The following PDGFRL variants were observed in gnomAD, a reference collection of about 807,000 sequenced individuals.
The protein encoded by PDGFRL is platelet derived growth factor receptor like.
Under a neutral mutation model 37.2 loss-of-function variants are expected in PDGFRL, and 46 were observed. The observed-to-expected ratio is 1.24, with a 90% CI of 0.98 to 1.58. PDGFRL has a LOEUF of 1.58. Among genes scored for constraint, PDGFRL ranks in the 40% most tolerant of loss-of-function variants. The probability of loss-of-function intolerance (pLI) is 0.00; values close to 1 mark genes in which losing one functional copy is unlikely to be tolerated. For missense variants in PDGFRL, 692 were observed against 467.6 expected (o/e 1.48, Z -4.43); for synonymous variants, 251 against 184.3 (o/e 1.36, Z -2.93).
chr8:17,639,224 G>T (rs1252466745), intron 5 of PDGFRL, among the ~76,000 whole-genome samples: 1 of 152,202 alleles, frequency 6.6e-6, no homozygotes, highest in East Asian at 1.9e-4. Flanking sequence ...CTGCCATTCT[G>T]AATCTTTTAA....
Position 17,636,714 on chromosome 8 carries a change from C to T in PDGFRL, c.939+2501C>T, listed in dbSNP as rs150015160. On this transcript the variant is annotated intron_variant, in intron 5 of 5. Transcript: ENST00000251630. ...TGTGGATTGCTTTTCGCAGTATGGTCATTTTCACAATATTGATTCTACCCA... is the reference window on the plus strand; with the variant it reads ...TGTGGATTGCTTTTCGCAGTATGGTTATTTTCACAATATTGATTCTACCCA... Among the ~76,000 whole-genome samples the T allele has an allele frequency of 6.7e-3, 1,012 of 152,178 alleles. 11 individuals carry two copies. The highest frequency in any genetic ancestry group is 0.023 in the African/African-American group (939 of 41,516).
chr8:17,600,968 C>G (rs1343184446), intron 2 of PDGFRL, among the ~76,000 whole-genome samples: 1 of 152,028 alleles, frequency 6.6e-6, no homozygotes. Flanking sequence ...GGAGACAGAG[C>G]AAGGCCCATC....
At chr8:17,589,418 T>A in intron 1 of PDGFRL, 50 bp from the exon 2 acceptor site, 1 of 1,396,124 alleles carries the variant, frequency 7.2e-7, no homozygotes, top group Non-Finnish European at 9.8e-7. Flanking sequence ...CCTCAAATAT[T>A]CCAAAAATGT....
At chr8:17,595,005 A>T (rs1352674381) in intron 2 of PDGFRL, among the ~76,000 whole-genome samples, 2 of 150,792 alleles carry the variant, frequency 1.3e-5, no homozygotes, top group Admixed American at 6.6e-5. Flanking sequence ...TACCACGTAC[A>T]TTTTTTTTTT....
At chr8:17,588,394 T>A (rs1585300279) in intron 1 of PDGFRL, among the ~76,000 whole-genome samples, 1 of 152,112 alleles carries the variant, frequency 6.6e-6, no homozygotes, top group Admixed American at 6.5e-5. Context: ...TTCAAAATCT[T>A]GGCTGGGCAG....
intron 2 of PDGFRL, among the ~76,000 whole-genome samples, chr8:17,612,246 C>A (rs1585318860): frequency 6.6e-6 from 1 of 152,220 alleles, no homozygotes; most frequent in East Asian, 1.9e-4. Flanking sequence ...CACATGAGCC[C>A]TTGTGCTTAC....
chr8:17,607,707 T>C (rs551351681), intron 2 of PDGFRL, among the ~76,000 whole-genome samples: 2 of 152,314 alleles, frequency 1.3e-5, no homozygotes, highest in African/African-American at 4.8e-5. Context: ...ACGTCTGGGA[T>C]TTAATGCTCA....
chr8:17,609,760 TA>T (rs1804367978), intron 2 of PDGFRL, among the ~76,000 whole-genome samples: 1 of 151,350 alleles, frequency 6.6e-6, no homozygotes, highest in Admixed American at 6.6e-5. Context: ...CCCTACGTTT[TA>T]AAAAGTGACT....
chr8:17,603,525 C>T (rs1230089394), intron 2 of PDGFRL, among the ~76,000 whole-genome samples: 1 of 152,196 alleles, frequency 6.6e-6, no homozygotes, highest in Non-Finnish European at 1.5e-5. Context: ...ATAAACATCT[C>T]CTGTCTTTGA....
In PDGFRL at chr8:17,643,052, CAT is replaced by C. The variant is rs1195727150; in HGVS notation, c.*252_*253del. On this transcript the variant is annotated 3_prime_UTR_variant, in exon 6 of 6. Coordinates refer to ENST00000251630, the MANE Select transcript of PDGFRL (RefSeq NM_001372073.1). ...TACATACGTGTTCCTAGTTTTTATACATGTGTAAACAATTTTATATAATCAAT... is the reference window on the plus strand; with the variant it reads ...TACATACGTGTTCCTAGTTTTTATACGTGTAAACAATTTTATATAATCAAT... 4 of 383,266 alleles carry C rather than the reference CAT, an allele frequency of 1.0e-5. No individual in the cohort carries two copies. The highest frequency in any genetic ancestry group is 6.2e-5 in the African/African-American group (3 of 48,084). 23.7% of individuals were successfully genotyped at this position (383,266 alleles called of 1,614,324 possible).
chr8:17,618,056 A>ATTTTAAT (rs1804563304), intron 2 of PDGFRL, among the ~76,000 whole-genome samples: 1 of 150,358 alleles, frequency 6.7e-6, no homozygotes, highest in Non-Finnish European at 1.5e-5. Flanking sequence ...TGATCTTTCC[A>ATTTTAAT]TTTTTATTTT....
rs1277246317 is a variant in PDGFRL at position 17,621,055 on chromosome 8, A to G, written c.358A>G (p.Lys120Glu). ...DTFKDSRLSV[K>E]QNERYGQLTL... is the part of the protein sequence containing the mutation. ...TCATGTGTCTTTTATTCCTAGCGTC[A>G]AGCAGAATGAGCGCTACGGCCAGTT... Residue 120 changes from lysine (K) to glutamate (E), a missense_variant, in exon 3 of 6, where the codon AAG (lysine) becomes GAG (glutamate). Coordinates refer to ENST00000251630, the MANE Select transcript of PDGFRL (RefSeq NM_001372073.1). 6.3e-7 allele frequency: 1 copy of G among 1,598,296 alleles called. No homozygotes were observed. Among genetic ancestry groups the G allele is most frequent in the East Asian group, 2.3e-5 (1 of 44,324 alleles).
chr8:17,619,166 T>C (rs1038152317), intron 2 of PDGFRL, among the ~76,000 whole-genome samples: 3 of 152,184 alleles, frequency 2.0e-5, no homozygotes, highest in Admixed American at 1.3e-4. Flanking sequence ...TAAAAGTATG[T>C]GGATCTCAGA....
Position 17,632,357 on chromosome 8 carries a change from TA to T in PDGFRL, c.800-1715del, listed in dbSNP as rs1311093991. On this transcript the variant is annotated intron_variant, in intron 4 of 5. Transcript: ENST00000251630. Reference sequence around the variant, plus strand: ...CACTGTAGCTGATTTTTTTTTTTTTTAATACAGAGTCTTGGCTCTGTTGCCC... The same window carrying T: ...CACTGTAGCTGATTTTTTTTTTTTTTATACAGAGTCTTGGCTCTGTTGCCC... 4.0e-5 allele frequency among the ~76,000 whole-genome samples: 6 copies of T among 149,120 alleles called. No individual in the cohort carries two copies. In the South Asian group the frequency reaches 1.3e-3, roughly 32 times the overall value.
chr8:17,615,001 C>G (rs1259580276), intron 2 of PDGFRL, among the ~76,000 whole-genome samples: 1 of 152,106 alleles, frequency 6.6e-6, no homozygotes, highest in East Asian at 1.9e-4. Flanking sequence ...TCATGAGGAT[C>G]AAATGAGTCA....
chr8:17,630,393 T>C (rs1442885870), intron 4 of PDGFRL, among the ~76,000 whole-genome samples: 2 of 152,194 alleles, frequency 1.3e-5, no homozygotes, highest in East Asian at 1.9e-4. Flanking sequence ...ATCCGTTCCA[T>C]TGTGTTGAAT....
At chr8:17,608,743 A>G (rs938191376) in intron 2 of PDGFRL, among the ~76,000 whole-genome samples, 4 of 152,268 alleles carry the variant, frequency 2.6e-5, no homozygotes, top group African/African-American at 9.6e-5. Flanking sequence ...AAGACAAACC[A>G]GATACAAGGA....
intron 3 of PDGFRL, among the ~76,000 whole-genome samples, chr8:17,625,519 A>G (rs13259157): frequency 0.69 from 104,877 of 151,804 alleles, 38,494 homozygotes; most frequent in Middle Eastern, 0.82. Context: ...TCTTCTAGAT[A>G]AGTGGATATA....
intron 2 of PDGFRL, among the ~76,000 whole-genome samples, chr8:17,618,909 G>GTCGA (rs144626783): frequency 0.54 from 81,386 of 151,236 alleles, 22,472 homozygotes; most frequent in Middle Eastern, 0.67. Flanking sequence ...ATTCCTGAGA[G>GTCGA]TCGATCCTAA....
Sources: allele counts gnomAD v4.1 joint callset (sites outside exome capture counted in the v4.1 genomes callset), GRCh38; gene constraint gnomAD v4.1.1; transcripts MANE v1.5; gene names NCBI Gene and HGNC (gene_info 2026-07-23, HGNC 2026-07-21).